Variants in SEMA3D observed in about 807,000 individuals in gnomAD.
SEMA3D encodes the protein semaphorin-3D.
Under a neutral mutation model 100.1 loss-of-function variants are expected in SEMA3D, and 84 were observed. That is an observed-to-expected ratio of 0.84 (90% CI 0.70 to 1.01). SEMA3D has a LOEUF of 1.01. Among genes scored for constraint, SEMA3D ranks in the 50% least tolerant of loss-of-function variants. SEMA3D has a pLI of 0.00. For missense variants in SEMA3D, 875 were observed against 934.1 expected, an observed-to-expected ratio of 0.94 and a Z score of 0.82; for synonymous variants, 312 against 320.7, an observed-to-expected ratio of 0.97 and a Z score of 0.29.
intron 5 of SEMA3D, among the ~76,000 whole-genome samples, chr7:85,077,863 A>G (rs1211424608): frequency 6.6e-6 from 1 of 152,196 alleles, no homozygotes; most frequent in Non-Finnish European, 1.5e-5. Flanking sequence ...ATAATCAAAG[A>G]TATTCACAAT....
intron 3 of SEMA3D, among the ~76,000 whole-genome samples, chr7:85,118,299 TA>T (rs1422687510): frequency 6.6e-6 from 1 of 152,196 alleles, no homozygotes; most frequent in Non-Finnish European, 1.5e-5. Context: ...ATAGCTATTT[TA>T]AAATCTTTGT....
intron 1 of SEMA3D, among the ~76,000 whole-genome samples, chr7:85,173,539 G>A (rs1365471169): frequency 6.6e-6 from 1 of 151,972 alleles, no homozygotes; most frequent in Non-Finnish European, 1.5e-5. Flanking sequence ...GGCCACCAAG[G>A]GGCTGTTCTT....
intron 3 of SEMA3D, among the ~76,000 whole-genome samples, chr7:85,104,015 A>G (rs1437496741): frequency 2.6e-5 from 4 of 151,888 alleles, no homozygotes; most frequent in Non-Finnish European, 5.9e-5. Flanking sequence ...CTTTATTAAC[A>G]CCTCTTGATA....
intron 3 of SEMA3D, among the ~76,000 whole-genome samples, chr7:85,108,572 T>C (rs937556747): frequency 9.2e-5 from 14 of 152,054 alleles, no homozygotes; most frequent in African/African-American, 3.1e-4. Flanking sequence ...AAACAAGATT[T>C]CAGATTTTGC....
intron 4 of SEMA3D, among the ~76,000 whole-genome samples, chr7:85,091,293 G>C (rs895381750): frequency 1.3e-5 from 2 of 152,076 alleles, no homozygotes; most frequent in Admixed American, 1.3e-4. Flanking sequence ...TACTCAGCTT[G>C]GTAAGCCATA....
rs1791372690 is a variant in SEMA3D at position 85,058,089 on chromosome 7, C to T, written c.719-2230G>A. 2.6e-5 allele frequency among the ~76,000 whole-genome samples: 4 copies of T among 152,168 alleles called. No individual in the cohort carries two copies. The South Asian group carries it at 6.2e-4, about 24-fold the overall frequency. On this transcript the variant is annotated intron_variant, in intron 8 of 18. Coordinates refer to ENST00000284136, the MANE Select transcript of SEMA3D (RefSeq NM_001384900.1). ...GAAAGGAAAAGAAAGGAGGGAAATA[C>T]ATTCATGAACTTTCTTCTCCTTATT... is the stretch of plus-strand genomic sequence containing the variant.
At chr7:85,151,583 A>T in intron 2 of SEMA3D, 1 of 916,488 alleles carries the variant, frequency 1.1e-6, no homozygotes, top group Non-Finnish European at 1.3e-6. Context: ...TGATGTGTGT[A>T]TGCATGTGTG....
At chr7:85,248,507 C>T in the SEMA3D span, among the ~76,000 whole-genome samples, 8 of 152,258 alleles carry the variant, frequency 5.3e-5, no homozygotes, top group African/African-American at 1.9e-4. Context: ...CGCATAGCCA[C>T]ACAAAAGCTT....
At chr7:85,093,255 T>C (rs1788451163) in intron 4 of SEMA3D, among the ~76,000 whole-genome samples, 1 of 152,058 alleles carries the variant, frequency 6.6e-6, no homozygotes, top group African/African-American at 2.4e-5. Flanking sequence ...GTGACTGATA[T>C]CAGCAACTTA....
chr7:85,044,341 A>G (rs1273648989), intron 9 of SEMA3D, among the ~76,000 whole-genome samples: 1 of 152,096 alleles, frequency 6.6e-6, no homozygotes, highest in Non-Finnish European at 1.5e-5. Flanking sequence ...AAGGGCATCT[A>G]TGGTATGTGA....
chr7:85,059,675 C>T (rs532845488), intron 8 of SEMA3D, among the ~76,000 whole-genome samples: 1 of 152,036 alleles, frequency 6.6e-6, no homozygotes, highest in African/African-American at 2.4e-5. Context: ...AAAAGGAATA[C>T]CAATATGAAG....
At chr7:85,047,959 C>T (rs1791054646) in intron 9 of SEMA3D, among the ~76,000 whole-genome samples, 1 of 151,708 alleles carries the variant, frequency 6.6e-6, no homozygotes, top group Admixed American at 6.6e-5. Context: ...CCTGTTCTAC[C>T]CATTAATAAC....
chr7:84,999,710 C>T lies in SEMA3D; in HGVS notation c.2064G>A (p.Gln688=). ...KLTLNVIENE[Q]MENTQRAEHE... ...GCTCTGCCCTCTGGGTATTTTCCAT[C>T]TGTTCATTCTCAATGACATTCAAAG... The change falls in exon 19 of 19, where the codon CAG becomes CAA. Residue 688 remains glutamine, a synonymous_variant. Transcript: ENST00000284136. The T allele has an allele frequency of 2.5e-6, 4 of 1,614,040 alleles. No individual in the cohort carries two copies. In the South Asian group the frequency reaches 3.3e-5, roughly 13 times the overall value.
At chr7:85,104,001 T>C (rs895093342) in intron 3 of SEMA3D, among the ~76,000 whole-genome samples, 1 of 152,050 alleles carries the variant, frequency 6.6e-6, no homozygotes, top group African/African-American at 2.4e-5. Context: ...GTTTCTTCAT[T>C]TGTCTTTATT....
At chr7:85,067,056 T>A (rs1791649088) in intron 7 of SEMA3D, among the ~76,000 whole-genome samples, 1 of 152,076 alleles carries the variant, frequency 6.6e-6, no homozygotes, top group African/African-American at 2.4e-5. Flanking sequence ...GCATATTTTT[T>A]AAAAAGAATA....
At chr7:85,232,566 C>T in the SEMA3D span, among the ~76,000 whole-genome samples, 1 of 152,150 alleles carries the variant, frequency 6.6e-6, no homozygotes, top group African/African-American at 2.4e-5. Flanking sequence ...TCTTGTGCAA[C>T]TAAGTTTTAT....
intron 8 of SEMA3D, among the ~76,000 whole-genome samples, chr7:85,059,824 G>T (rs1791423874): frequency 6.6e-6 from 1 of 152,050 alleles, no homozygotes; most frequent in Admixed American, 6.6e-5. Context: ...AATGATAAAA[G>T]AAGTGTAAAA....
chr7:84,999,142 A>G lies in SEMA3D; in HGVS notation c.*298T>C. The G allele has an allele frequency of 2.6e-6, 1 of 380,184 alleles. No individual in the cohort carries two copies. The highest frequency in any genetic ancestry group is 3.4e-5 in the South Asian group (1 of 29,252). 23.6% of individuals were successfully genotyped at this position (380,184 alleles called of 1,614,324 possible). A position where few individuals can be genotyped will look rare whatever the true frequency, so the allele number is the denominator to read the frequency against. On this transcript the variant is annotated 3_prime_UTR_variant, in exon 19 of 19. Transcript: ENST00000284136. Reference sequence around the variant, plus strand: ...ATCAAATTCGGGGCTTGCTTAGCTCAACTATTTACATGACAATAAATTCCA... The same window carrying G: ...ATCAAATTCGGGGCTTGCTTAGCTCGACTATTTACATGACAATAAATTCCA...
chr7:85,233,214 T>C, the SEMA3D span, among the ~76,000 whole-genome samples: 1 of 151,762 alleles, frequency 6.6e-6, no homozygotes, highest in East Asian at 1.9e-4. Context: ...CCAGGTGAAA[T>C]GGTTTTGAAC....
Sources: gnomAD v4.1 joint callset for allele counts (sites outside exome capture counted in the v4.1 genomes callset) on GRCh38, gnomAD v4.1.1 for gene constraint, MANE v1.5 for transcripts, NCBI Gene and HGNC (gene_info 2026-07-23, HGNC 2026-07-21) for gene names.